TMEM182: variants seen among roughly 807,000 people sequenced by gnomAD.
TMEM182 encodes the protein transmembrane protein 182.
A neutral mutation model predicts 26.8 loss-of-function variants in TMEM182; 20 were observed. The ratio of observed to expected loss-of-function variants is 0.75; its 90% confidence interval spans 0.53 to 1.09. The LOEUF (loss-of-function observed/expected upper bound fraction) is 1.09. Among genes scored for constraint, TMEM182 ranks in the 50% least tolerant of loss-of-function variants. The pLI, the probability that TMEM182 is intolerant of heterozygous loss-of-function variation, is 0.00. For missense variants in TMEM182, 277 were observed against 275.5 expected, an observed-to-expected ratio of 1.01 and a Z score of -0.04; for synonymous variants, 109 against 102.2, an observed-to-expected ratio of 1.07 and a Z score of -0.40.
At chr2:102,764,189 C>A in intron 2 of TMEM182, 140 bp from the exon 3 acceptor site, 1 of 773,920 alleles carries the variant, frequency 1.3e-6, no homozygotes. Context: ...CTCCTCACAA[C>A]AATTCGCTGA....
intron 2 of TMEM182, 90 bp downstream of exon 2, chr2:102,762,776 G>T: frequency 9.6e-7 from 1 of 1,042,906 alleles, no homozygotes; most frequent in Non-Finnish European, 1.4e-6. Context: ...TAGCGGACTG[G>T]ATTGTGAGTT....
At chr2:102,767,985 C>T (rs962049106) in intron 3 of TMEM182, among the ~76,000 whole-genome samples, 1 of 152,116 alleles carries the variant, frequency 6.6e-6, no homozygotes, top group Non-Finnish European at 1.5e-5. Context: ...TCCTCCTCCT[C>T]TGTTCATTTT....
intron 1 of TMEM182, among the ~76,000 whole-genome samples, chr2:102,738,806 A>C (rs1197320429): frequency 2.6e-5 from 4 of 152,140 alleles, no homozygotes; most frequent in Non-Finnish European, 5.9e-5. Context: ...TAGTTTAGTC[A>C]GTTGGTTGAA....
intron 3 of TMEM182, among the ~76,000 whole-genome samples, chr2:102,783,945 C>G (rs1043820815): frequency 6.6e-6 from 1 of 152,052 alleles, no homozygotes; most frequent in African/African-American, 2.4e-5. Context: ...TCTCAGCTAT[C>G]TTGTCTGTCC....
chr2:102,760,275 G>A (rs886182372), upstream of TMEM182, among the ~76,000 whole-genome samples: 11 of 152,020 alleles, frequency 7.2e-5, no homozygotes, highest in South Asian at 2.1e-4. Context: ...TTGATGAGGC[G>A]TGGGTGATGG....
chr2:102,759,812 T>G (rs964970889), upstream of TMEM182, among the ~76,000 whole-genome samples: 2 of 152,270 alleles, frequency 1.3e-5, no homozygotes, highest in Non-Finnish European at 1.5e-5. Flanking sequence ...CTAGATGCAC[T>G]CTATATTCCT....
rs115911256 is a variant in TMEM182 at position 102,839,259 on chromosome 2, T to C, written c.326-4153T>C. The stretch of plus-strand genomic sequence containing the variant: ...AAGCTGTCTAAGTGGCTACTTGGAC[T>C]TCCTCAATGGACTGAAATGCTTGGA... On this transcript the variant is annotated intron_variant, in intron 3 of 3. Coordinates refer to the TMEM182 transcript ENST00000486293. Among the ~76,000 whole-genome samples, 1,066 of 152,154 alleles carry C rather than the reference T, an allele frequency of 7.0e-3. 14 individuals carry two copies. The highest frequency in any genetic ancestry group is 0.025 in the African/African-American group (1,024 of 41,502).
At chr2:102,778,323 C>T (rs966837577) in intron 3 of TMEM182, among the ~76,000 whole-genome samples, 14 of 151,924 alleles carry the variant, frequency 9.2e-5, no homozygotes, top group Non-Finnish European at 1.8e-4. Flanking sequence ...GTGACTCCTA[C>T]ATTCTTTTAA....
At chr2:102,765,130 CATAAAT>C (rs1296154239) in intron 3 of TMEM182, among the ~76,000 whole-genome samples, 1 of 152,064 alleles carries the variant, frequency 6.6e-6, no homozygotes, top group Non-Finnish European at 1.5e-5. Flanking sequence ...CAATAGAACA[CATAAAT>C]ATATATTATA....
intron 1 of TMEM182, among the ~76,000 whole-genome samples, chr2:102,753,508 T>G (rs952026752): frequency 6.6e-6 from 1 of 151,338 alleles, no homozygotes; most frequent in African/African-American, 2.4e-5. Flanking sequence ...GTGAAACTAA[T>G]AAGTCGTTGT....
At position 102,762,101 on chromosome 2, in the gene TMEM182, T is replaced by C. The variant is rs2732839; in HGVS notation, c.-117T>C. The C allele has an allele frequency of 0.052, 47,417 of 906,936 alleles. 1,592 individuals carry two copies. The highest frequency in any genetic ancestry group is 0.062 in the Non-Finnish European group (38,355 of 620,330). 56.2% of individuals were successfully genotyped at this position (906,936 alleles called of 1,614,324 possible). ...TAGGACAGCCTTCTCAAGAAGATTCTGCCAACTCAAAAATATTATTCTTTT... is the reference window on the plus strand; with the variant it reads ...TAGGACAGCCTTCTCAAGAAGATTCCGCCAACTCAAAAATATTATTCTTTT... On this transcript the variant is annotated 5_prime_UTR_variant, in exon 1 of 5. Coordinates refer to ENST00000412401, the MANE Select transcript of TMEM182 (RefSeq NM_144632.5).
At chr2:102,754,950 T>C (rs1224881719) in intron 1 of TMEM182, among the ~76,000 whole-genome samples, 1 of 152,218 alleles carries the variant, frequency 6.6e-6, no homozygotes, top group African/African-American at 2.4e-5. Flanking sequence ...CCAGTTTTAT[T>C]TAACTTGTGA....
downstream of TMEM182, among the ~76,000 whole-genome samples, chr2:102,819,575 G>T (rs183740011): frequency 1.3e-5 from 2 of 152,238 alleles, no homozygotes; most frequent in African/African-American, 4.8e-5. Context: ...ATATACATAT[G>T]TCTGTGTGTA....
At chr2:102,744,915 T>C (rs1679648411) in intron 1 of TMEM182, among the ~76,000 whole-genome samples, 1 of 152,162 alleles carries the variant, frequency 6.6e-6, no homozygotes, top group Non-Finnish European at 1.5e-5. Flanking sequence ...TACTTGGTAT[T>C]CTCTGCATTT....
At chr2:102,738,990 A>T (rs1449496957) in intron 1 of TMEM182, among the ~76,000 whole-genome samples, 3 of 152,198 alleles carry the variant, frequency 2.0e-5, no homozygotes, top group Non-Finnish European at 4.4e-5. Context: ...GGCCAAGACG[A>T]CACTTCCTGC....
At chr2:102,842,776 G>T (rs1162123040) in intron 3 of TMEM182, among the ~76,000 whole-genome samples, 1 of 152,042 alleles carries the variant, frequency 6.6e-6, no homozygotes, top group African/African-American at 2.4e-5. Context: ...CTCCATTCTC[G>T]GTGCCATGAA....
At chr2:102,751,943 C>T (rs750975030) in intron 1 of TMEM182, among the ~76,000 whole-genome samples, 1 of 152,144 alleles carries the variant, frequency 6.6e-6, no homozygotes, top group African/African-American at 2.4e-5. Flanking sequence ...GCTGGGATGA[C>T]AGTTGTGAGC....
At position 102,815,859 on chromosome 2, in the gene TMEM182, T is replaced by C. The variant is rs878802; in HGVS notation, c.*891T>C. 434,980 of 898,046 alleles carry C rather than the reference T, an allele frequency of 0.48. 107,596 individuals are homozygous for C. The highest frequency in any genetic ancestry group is 0.67 in the African/African-American group (37,038 of 55,376). The allele number at this position is 898,046 out of a possible 1,614,324, so 55.6% of individuals were successfully genotyped here. A position where few individuals can be genotyped will look rare whatever the true frequency, so the allele number is the denominator to read the frequency against. ...ATTGATAAAATGTGATTTTAATATT[T>C]TTTAGATATAAACTTTCAACGTACT... On this transcript the variant is annotated 3_prime_UTR_variant, in exon 5 of 5. Coordinates refer to ENST00000412401, the MANE Select transcript of TMEM182 (RefSeq NM_144632.5).
At chr2:102,842,485 T>A (rs1426520138) in intron 3 of TMEM182, among the ~76,000 whole-genome samples, 1 of 152,136 alleles carries the variant, frequency 6.6e-6, no homozygotes, top group East Asian at 1.9e-4. Flanking sequence ...TGGGGAGCTT[T>A]CCCCGGATCC....
Sources: allele counts gnomAD v4.1 joint callset (sites outside exome capture counted in the v4.1 genomes callset), GRCh38; gene constraint gnomAD v4.1.1; transcripts MANE v1.5; gene names NCBI Gene and HGNC (gene_info 2026-07-23, HGNC 2026-07-21).